The following NANOS3 variants were observed in gnomAD, a reference collection of about 807,000 sequenced individuals.
The protein encoded by NANOS3 is nanos C2HC-type zinc finger 3, also known as nanos homolog 3.
In NANOS3, 11 loss-of-function variants were observed where a neutral mutation model predicts 13.8. The ratio of observed to expected loss-of-function variants is 0.80; its 90% CI spans 0.50 to 1.32. NANOS3 has a LOEUF of 1.32. NANOS3 is among the 40% of genes most tolerant of loss of function. NANOS3 has a pLI of 0.00. For missense variants in NANOS3, 221 were observed against 263.8 expected (o/e 0.84, Z 1.12); for synonymous variants, 119 against 115.4 (o/e 1.03, Z -0.20).
intron 1 of NANOS3, among the ~76,000 whole-genome samples, chr19:13,869,871 A>T (rs1385267993): frequency 6.6e-6 from 1 of 151,316 alleles, no homozygotes; most frequent in East Asian, 1.9e-4. Context: ...ATACAGAGAC[A>T]CCCCCAACCC....
At chr19:13,873,365 A>G (rs1968435410), upstream of NANOS3, among the ~76,000 whole-genome samples, 1 of 150,168 alleles carries the variant, frequency 6.7e-6, no homozygotes, top group African/African-American at 2.5e-5. Flanking sequence ...GGGGTGGTTC[A>G]CGCAGCTCGG....
chr19:13,865,820 G>T (rs1350398348), intron 1 of NANOS3, among the ~76,000 whole-genome samples: 1 of 147,856 alleles, frequency 6.8e-6, no homozygotes, highest in Non-Finnish European at 1.5e-5. Context: ...CCCGACACCT[G>T]ACCGCGCGCG....
chr19:13,864,715 C>A (rs1976205279), upstream of NANOS3, among the ~76,000 whole-genome samples: 1 of 151,954 alleles, frequency 6.6e-6, no homozygotes, highest in Non-Finnish European at 1.5e-5. Context: ...CTGTGCGTGC[C>A]CGGGGTTCAG....
At chr19:13,865,874 G>A (rs1362173522) in intron 1 of NANOS3, among the ~76,000 whole-genome samples, 1 of 151,396 alleles carries the variant, frequency 6.6e-6, no homozygotes, top group Non-Finnish European at 1.5e-5. Context: ...GTTCTTGGGG[G>A]CGCGGGGCGG....
At chr19:13,871,495 C>G in intron 1 of NANOS3, among the ~76,000 whole-genome samples, 1 of 152,182 alleles carries the variant, frequency 6.6e-6, no homozygotes. Flanking sequence ...GCCTTCAAGA[C>G]CAGACCCCTC....
chr19:13,877,713 C>A lies in NANOS3; in HGVS notation c.465C>A (p.Asp155Glu). ...CAGGCAAGAAGCTGGTCCGGCCTGACAAGGCGAAGACACAGGACACAGGCC... is the reference window on the plus strand; with the variant it reads ...CAGGCAAGAAGCTGGTCCGGCCTGAAAAGGCGAAGACACAGGACACAGGCC... ...NSAGKKLVRPDKAKTQDTGHR... is the reference protein window; with the variant it reads ...NSAGKKLVRPEKAKTQDTGHR... Residue 155 changes from aspartate to glutamate, a missense_variant, in exon 1 of 2, where the codon GAC (aspartate) becomes GAA (glutamate). This residue lies in a region of NANOS3 where 60 missense variants were observed against 56.5 expected (regional missense o/e 1.06). Transcript: ENST00000339133. 6.2e-7 allele frequency: 1 copy of A among 1,603,816 alleles called. No individual in the cohort carries two copies. The highest frequency in any genetic ancestry group is 8.5e-7 in the Non-Finnish European group (1 of 1,176,328).
rs1220219627 is a variant in NANOS3, at chr19:13,877,423, G to A, written c.175G>A (p.Gly59Arg). ...MPAPESVPVP[G>R]PKDQKRSLES... The stretch of plus-strand genomic sequence containing the variant: ...AGCGCCGGAGTCGGTGCCAGTGCCG[G>A]GACCCAAGGATCAGAAGCGCAGCCT... The change falls in exon 1 of 2, where the codon GGA becomes AGA. Residue 59 changes from glycine (G) to arginine (R), a missense_variant. Physicochemically the swap from Gly to Arg is moderately radical, Grantham distance 125 (BLOSUM62 -2). Around this residue, in one of 3 missense-constraint regions of NANOS3, gnomAD observed 112 missense variants for 116.3 expected, o/e 0.96. Transcript: ENST00000339133. 2 of 1,612,288 alleles carry A rather than the reference G, an allele frequency of 1.2e-6. No individual in the cohort carries two copies. Among genetic ancestry groups the A allele is most frequent in the Non-Finnish European group, 1.7e-6 (2 of 1,179,996 alleles).
At chr19:13,871,328 C>G (rs1272830859) in intron 1 of NANOS3, among the ~76,000 whole-genome samples, 2 of 152,100 alleles carry the variant, frequency 1.3e-5, no homozygotes, top group African/African-American at 2.4e-5. Flanking sequence ...GGGGCATAGT[C>G]CGACCCAGAC....
intron 1 of NANOS3, among the ~76,000 whole-genome samples, chr19:13,865,689 C>T (rs1976225792): frequency 6.7e-6 from 1 of 150,014 alleles, no homozygotes; most frequent in South Asian, 2.1e-4. Context: ...GGGTCGGACT[C>T]TGCAAAGGGG....
chr19:13,864,582 G>C (rs545814082), upstream of NANOS3, among the ~76,000 whole-genome samples: 16 of 152,178 alleles, frequency 1.1e-4, no homozygotes, highest in African/African-American at 3.9e-4. Flanking sequence ...TTTTGTGTGT[G>C]TCACGGTGCT....
At chr19:13,865,698 G>A (rs1406850288) in intron 1 of NANOS3, among the ~76,000 whole-genome samples, 1 of 151,204 alleles carries the variant, frequency 6.6e-6, no homozygotes, top group Non-Finnish European at 1.5e-5. Context: ...TCTGCAAAGG[G>A]GACAGACCCC....
chr19:13,878,916 A>G (rs1199963847), intron 1 of NANOS3, among the ~76,000 whole-genome samples: 1 of 149,920 alleles, frequency 6.7e-6, no homozygotes, highest in African/African-American at 2.5e-5. Flanking sequence ...GCCTGGCCCC[A>G]GTGAGGTTTT....
At chr19:13,862,950 A>G (rs1976179764), upstream of NANOS3, among the ~76,000 whole-genome samples, 1 of 152,208 alleles carries the variant, frequency 6.6e-6, no homozygotes, top group Non-Finnish European at 1.5e-5. Flanking sequence ...GCTGGGAAGA[A>G]TCTGAGATGA....
In NANOS3 at chr19:13,877,621, C is replaced by A; in HGVS notation, c.373C>A (p.Arg125=). 6.2e-7 allele frequency: 1 copy of A among 1,612,212 alleles called. No individual in the cohort carries two copies. ...CGATRERAHT[R]RFCPLTGQGY... ...CGCCACACGTGAGCGCGCCCACACCCGACGCTTCTGCCCACTTACTGGCCA... is the reference window on the plus strand; with the variant it reads ...CGCCACACGTGAGCGCGCCCACACCAGACGCTTCTGCCCACTTACTGGCCA... Residue 125 remains arginine, a synonymous_variant, in exon 1 of 2, where the codon CGA becomes AGA. Coordinates refer to ENST00000339133, the MANE Select transcript of NANOS3 (RefSeq NM_001098622.3).
At chr19:13,876,925 C>T (rs901002450), upstream of NANOS3, among the ~76,000 whole-genome samples, 15 of 152,076 alleles carry the variant, frequency 9.9e-5, no homozygotes, top group African/African-American at 3.4e-4. Context: ...GAGGTGTGTA[C>T]GGGGGGCTGT....
At chr19:13,872,015 AAAC>A (rs983526537) in intron 1 of NANOS3, among the ~76,000 whole-genome samples, 4 of 151,570 alleles carry the variant, frequency 2.6e-5, no homozygotes, top group Admixed American at 1.3e-4. Context: ...AAACAAAACA[AAAC>A]AACAACAGCA....
At chr19:13,863,008 G>A (rs539260778), upstream of NANOS3, among the ~76,000 whole-genome samples, 2 of 152,346 alleles carry the variant, frequency 1.3e-5, no homozygotes, top group South Asian at 2.1e-4. Flanking sequence ...ATACAGCTGG[G>A]GAGAACTCTA....
At chr19:13,863,952 G>T (rs529935552), upstream of NANOS3, among the ~76,000 whole-genome samples, 1 of 152,092 alleles carries the variant, frequency 6.6e-6, no homozygotes, top group Non-Finnish European at 1.5e-5. Context: ...CCCCATAAGG[G>T]TTAAGGTCTG....
Position 13,867,290 on chromosome 19 carries a change from G to A in NANOS3, n.21+1853G>A, listed in dbSNP as rs374713566. Among the ~76,000 whole-genome samples the A allele has an allele frequency of 3.9e-5, 6 of 151,986 alleles. No homozygotes were observed. The East Asian group carries it at 9.7e-4, about 25-fold the overall frequency. On this transcript the variant is annotated intron_variant and non_coding_transcript_variant, in intron 1 of 2. Coordinates refer to the NANOS3 transcript ENST00000591161. Reference sequence around the variant, plus strand: ...GACAGGGTCTCACTCTGCTGCCTAGGCTGGAGTGCAGTGGCACGATCTAGG... The same window carrying A: ...GACAGGGTCTCACTCTGCTGCCTAGACTGGAGTGCAGTGGCACGATCTAGG...
Sources: gnomAD v4.1 joint callset for allele counts (sites outside exome capture counted in the v4.1 genomes callset) on GRCh38, gnomAD v4.1.1 for gene constraint, gnomAD v4.1.1 regional missense constraint, MANE v1.5 for transcripts, NCBI Gene and HGNC (gene_info 2026-07-23, HGNC 2026-07-21) for gene names.